Variants in MSL2 observed in about 807,000 individuals in gnomAD.
MSL2 encodes E3 ubiquitin-protein ligase MSL2.
Under a neutral mutation model 35.8 loss-of-function variants are expected in MSL2, and 2 were observed. That is an observed-to-expected ratio of 0.06 (90% CI 0.02 to 0.18). MSL2 has a LOEUF of 0.18. Ranked by LOEUF, MSL2 falls within the 10% of genes least tolerant of loss-of-function variation. MSL2 has a pLI of 1.00. For missense variants in MSL2, 523 were observed against 706.7 expected (o/e 0.74, Z 2.95); for synonymous variants, 296 against 255.7 (o/e 1.16, Z -1.50).
chr3:136,189,134 A>C (rs1025645300), intron 1 of MSL2, among the ~76,000 whole-genome samples: 3 of 133,950 alleles, frequency 2.2e-5, no homozygotes, highest in Non-Finnish European at 3.3e-5. Context: ...AAAAAAAAAA[A>C]AACACACACA....
chr3:136,189,135 A>AAAAAAAAACC (rs746820441), intron 1 of MSL2, among the ~76,000 whole-genome samples: 1 of 121,650 alleles, frequency 8.2e-6, no homozygotes, highest in East Asian at 2.2e-4. Context: ...AAAAAAAAAA[A>AAAAAAAAACC]ACACACACAC....
At chr3:136,164,789 T>C (rs949730236) in intron 1 of MSL2, among the ~76,000 whole-genome samples, 54 of 152,260 alleles carry the variant, frequency 3.5e-4, no homozygotes, top group African/African-American at 1.3e-3. Flanking sequence ...TGTGGAGTGT[T>C]TAAGGAAAGG....
At chr3:136,186,671 CA>C (rs533387991) in intron 1 of MSL2, among the ~76,000 whole-genome samples, 93 of 152,354 alleles carry the variant, frequency 6.1e-4, no homozygotes, top group African/African-American at 2.1e-3. Context: ...TGTCTCCCAT[CA>C]CCCCCAGATG....
chr3:136,167,849 C>T (rs1190346294), intron 1 of MSL2, among the ~76,000 whole-genome samples: 6 of 152,036 alleles, frequency 3.9e-5, no homozygotes, highest in South Asian at 2.1e-4. Flanking sequence ...ATCAACTTTT[C>T]CAACGTAATG....
rs762659864 is a variant in MSL2 at position 136,151,296 on chromosome 3, T to C, written c.1585A>G (p.Ile529Val). Residue 529 changes from isoleucine to valine, a missense_variant, in exon 2 of 2, where the codon ATT becomes GTT. Ile to Val is a conservative substitution (Grantham distance 29, BLOSUM62 3). Transcript: ENST00000309993. The surrounding 1 kb of genome is among the most constrained non-coding windows in gnomAD (Gnocchi z 5.2). Reference protein sequence around the residue: ...ALEQTRLTLGINVTSIAVRNA... With the variant: ...ALEQTRLTLGVNVTSIAVRNA... ...CGCACAGCAATGCTAGTCACGTTAA[T>C]GCCCAAAGTGAGCCTGGTCTGCTCC... The C allele has an allele frequency of 1.2e-6, 2 of 1,614,244 alleles. No homozygotes were observed. Among genetic ancestry groups the C allele is most frequent in the Non-Finnish European group, 8.5e-7 (1 of 1,180,044 alleles).
chr3:136,183,779 T>G lies in MSL2; in HGVS notation c.142+11193A>C, dbSNP rs1576373606. Among the ~76,000 whole-genome samples the G allele has an allele frequency of 3.3e-5, 5 of 152,276 alleles. No homozygotes were observed. In the South Asian group the frequency reaches 1.0e-3, roughly 32 times the overall value. On this transcript the variant is annotated intron_variant, in intron 1 of 1. Coordinates refer to ENST00000309993, the MANE Select transcript of MSL2 (RefSeq NM_018133.4). The stretch of plus-strand genomic sequence containing the variant: ...ACTCTGAAGAGAAACTGAAAACACA[T>G]ATAGTTCAGATTTCAACTCAATAAC...
intron 1 of MSL2, among the ~76,000 whole-genome samples, chr3:136,191,597 C>A (rs1358815890): frequency 6.6e-6 from 1 of 152,084 alleles, no homozygotes; most frequent in Non-Finnish European, 1.5e-5. Context: ...CTGGGCAACA[C>A]GGTAAGACCC....
chr3:136,179,771 A>C (rs1203495227), intron 1 of MSL2, among the ~76,000 whole-genome samples: 2 of 152,254 alleles, frequency 1.3e-5, no homozygotes, highest in African/African-American at 2.4e-5. Flanking sequence ...ATCTACTTTA[A>C]AACGGCTTAT....
chr3:136,166,257 A>T (rs1411976178), intron 1 of MSL2, among the ~76,000 whole-genome samples: 2 of 151,786 alleles, frequency 1.3e-5, no homozygotes, highest in Non-Finnish European at 2.9e-5. Flanking sequence ...GCGTGGTGAC[A>T]GACGCCTATA....
chr3:136,156,511 AGAAT>A (rs1290065943), intron 1 of MSL2, among the ~76,000 whole-genome samples: 9 of 152,240 alleles, frequency 5.9e-5, no homozygotes, highest in Non-Finnish European at 2.9e-5. Context: ...CATTGTAAAA[AGAAT>A]GAAGTCTCCT....
At chr3:136,177,680 T>TTA (rs759133685) in intron 1 of MSL2, among the ~76,000 whole-genome samples, 2 of 78,502 alleles carry the variant, frequency 2.5e-5, no homozygotes, top group Non-Finnish European at 4.8e-5. Flanking sequence ...CTCCGTCTCA[T>TTA]AAAAAAAAAA....
rs149944952 is a variant in MSL2 at position 136,154,087 on chromosome 3, T to TAA, written c.143-1351_143-1350dup. 2.0e-3 allele frequency among the ~76,000 whole-genome samples: 270 copies of TAA among 135,556 alleles called. 3 individuals are homozygous for TAA. Among genetic ancestry groups the TAA allele is most frequent in the African/African-American group, 4.9e-3 (179 of 36,618 alleles). The allele number at this position is 135,556 out of a possible 152,430, so 88.9% of individuals were successfully genotyped here. On this transcript the variant is annotated intron_variant, in intron 1 of 1. Transcript: ENST00000309993. ...GACAAGAGCAAAACTCCGTCTCATT[T>TAA]AAAAAAAAAAAAAAAGGAGTTTCAG...
chr3:136,166,164 G>A (rs181658440), intron 1 of MSL2, among the ~76,000 whole-genome samples: 7 of 151,848 alleles, frequency 4.6e-5, no homozygotes, highest in South Asian at 2.1e-4. Flanking sequence ...CGAGGTGGGC[G>A]GGTCACTTGA....
intron 1 of MSL2, among the ~76,000 whole-genome samples, chr3:136,159,529 A>ATTT (rs71624086): frequency 7.4e-6 from 1 of 135,896 alleles, no homozygotes; most frequent in African/African-American, 2.7e-5. Context: ...ACGCCCAGCT[A>ATTT]TTTTTTTTTT....
intron 1 of MSL2, among the ~76,000 whole-genome samples, chr3:136,161,877 G>A (rs1312826713): frequency 6.6e-6 from 1 of 152,076 alleles, no homozygotes; most frequent in African/African-American, 2.4e-5. Context: ...CCCTTAAAGA[G>A]TGTCCTTAGC....
At chr3:136,169,930 C>T (rs1031117373) in intron 1 of MSL2, among the ~76,000 whole-genome samples, 18 of 151,724 alleles carry the variant, frequency 1.2e-4, no homozygotes, top group African/African-American at 3.9e-4. Flanking sequence ...GTGGCAGATG[C>T]CTGTAATCCC....
chr3:136,192,690 GGTA>G (rs367959665), intron 1 of MSL2, among the ~76,000 whole-genome samples: 13 of 152,250 alleles, frequency 8.5e-5, no homozygotes, highest in African/African-American at 2.4e-4. Context: ...AGGATGAAAA[GGTA>G]GTAGCGGGTC....
At chr3:136,156,712 G>A (rs1939537308) in intron 1 of MSL2, among the ~76,000 whole-genome samples, 1 of 152,074 alleles carries the variant, frequency 6.6e-6, no homozygotes, top group South Asian at 2.1e-4. Context: ...AAAATTAGCC[G>A]GGCGTGGTGG....
chr3:136,175,048 G>A (rs536657541), intron 1 of MSL2, among the ~76,000 whole-genome samples: 1 of 152,126 alleles, frequency 6.6e-6, no homozygotes, highest in African/African-American at 2.4e-5. Flanking sequence ...GAGTAACTAT[G>A]CTGAATTTGA....
Sources: gnomAD v4.1 joint callset for allele counts (sites outside exome capture counted in the v4.1 genomes callset) on GRCh38, gnomAD v4.1.1 for gene constraint, Gnocchi (gnomAD v3.1) non-coding constraint, MANE v1.5 for transcripts, NCBI Gene and HGNC (gene_info 2026-07-23, HGNC 2026-07-21) for gene names.